The following GANC variants were observed in gnomAD, a reference collection of about 807,000 sequenced individuals.
GANC encodes the protein glucosidase alpha, neutral C, also known as neutral alpha-glucosidase C.
In GANC, 117 loss-of-function variants were observed where a neutral mutation model predicts 124.2. The ratio of observed to expected loss-of-function variants is 0.94; its 90% CI spans 0.81 to 1.10. GANC has a LOEUF of 1.10. Ranked by LOEUF, GANC falls within the 50% of genes least tolerant of loss-of-function variation. The pLI is 0.00. For synonymous variants in GANC, 377 were observed against 376.8 expected (o/e 1.00, Z -0.01); for missense variants, 1,140 against 1,095.0 (o/e 1.04, Z -0.58).
intron 10 of GANC, chr15:42,314,016 A>G (rs974746234): frequency 2.9e-6 from 2 of 686,172 alleles, no homozygotes; most frequent in African/African-American, 1.8e-5. Flanking sequence ...ATACAGCTGG[A>G]TGCTTAAAAT....
chr15:42,296,440 G>T (rs1237494103), intron 5 of GANC, among the ~76,000 whole-genome samples: 3 of 152,114 alleles, frequency 2.0e-5, no homozygotes, highest in Non-Finnish European at 4.4e-5. Flanking sequence ...AGGCTGGAGT[G>T]CAGTGGTGCG....
chr15:42,339,714 T>C lies in GANC; in HGVS notation c.1889T>C (p.Val630Ala). The C allele has an allele frequency of 6.2e-7, 1 of 1,614,172 alleles. No individual in the cohort carries two copies. The highest frequency in any genetic ancestry group is 1.1e-5 in the South Asian group (1 of 91,092). ...GGGAATCCAGAGACAGAGCTGCTAG[T>C]GCGTTGGTACCAGGCTGGAGCCTAC... ...FIGNPETELL[V>A]RWYQAGAYQP... Residue 630 changes from valine (V) to alanine (A), a missense_variant, in exon 17 of 24, where the codon GTG becomes GCG. Coordinates refer to ENST00000318010, the MANE Select transcript of GANC (RefSeq NM_198141.3).
At chr15:42,344,592 A>G (rs774064415) in intron 19 of GANC, 2 of 152,242 alleles carry the variant, frequency 1.3e-5, no homozygotes, top group Non-Finnish European at 2.9e-5. Flanking sequence ...TCCATCTGCT[A>G]TGCTTGTCAT....
chr15:42,337,872 G>A (rs531545158), intron 15 of GANC, among the ~76,000 whole-genome samples: 1 of 152,246 alleles, frequency 6.6e-6, no homozygotes, highest in East Asian at 1.9e-4. Flanking sequence ...GACCAGCCTG[G>A]CCAACATGGT....
intron 3 of GANC, among the ~76,000 whole-genome samples, chr15:42,279,287 T>G (rs2051707934): frequency 6.6e-6 from 1 of 152,228 alleles, no homozygotes; most frequent in Non-Finnish European, 1.5e-5. Context: ...GTCACCCACG[T>G]GCTTTCTAAC....
At chr15:42,280,476 C>T (rs1284677572) in intron 3 of GANC, among the ~76,000 whole-genome samples, 2 of 152,198 alleles carry the variant, frequency 1.3e-5, no homozygotes, top group Non-Finnish European at 2.9e-5. Context: ...TAGCCTGACA[C>T]CCGGCCAGAC....
intron 17 of GANC, 112 bp downstream of exon 17, chr15:42,340,024 C>T (rs1370504765): frequency 6.6e-6 from 9 of 1,368,386 alleles, no homozygotes; most frequent in Non-Finnish European, 7.9e-6. Context: ...TGAAGAAAAG[C>T]TACATGTTTA....
In GANC at chr15:42,345,772, T is replaced by G; in HGVS notation, c.2244T>G (p.Tyr748Ter). Residue 748 changes from tyrosine to a stop codon, truncating the protein, a stop_gained, in exon 20 of 24, where the codon TAT (tyrosine) becomes TAG (stop). Coordinates refer to ENST00000318010, the MANE Select transcript of GANC (RefSeq NM_198141.3). LOFTEE classifies it high-confidence loss of function. ...TTACTTTCTAGGTCTGGTATGACTA[T>G]AAGACATTTGCTCATTGGGAAGGAG... ...LPGSNEVWYDYKTFAHWEGGC... is the reference protein window; with the variant it reads ...LPGSNEVWYD 1 of 1,611,154 alleles carries G rather than the reference T, an allele frequency of 6.2e-7. No homozygotes were observed. The highest frequency in any genetic ancestry group is 8.5e-7 in the Non-Finnish European group (1 of 1,177,380).
At chr15:42,316,106 C>G (rs1274091118) in intron 10 of GANC, among the ~76,000 whole-genome samples, 2 of 152,058 alleles carry the variant, frequency 1.3e-5, no homozygotes, top group African/African-American at 4.8e-5. Context: ...AATTCTACTC[C>G]TAGATATATG....
chr15:42,341,046 G>A (rs2052326302), intron 18 of GANC, among the ~76,000 whole-genome samples: 1 of 147,182 alleles, frequency 6.8e-6, no homozygotes, highest in Non-Finnish European at 1.5e-5. Context: ...TTACAGGCGT[G>A]AGCCACTAGG....
rs1168235886 is a variant in GANC, at chr15:42,353,151, G to C, written c.*1012G>C. On this transcript the variant is annotated 3_prime_UTR_variant, in exon 24 of 24. Transcript: ENST00000318010. Reference sequence around the variant, plus strand: ...CAGAACATTACAACATACCAGTCGTGTCATGGTGCCCAAGGCTCCACAGAC... The same window carrying C: ...CAGAACATTACAACATACCAGTCGTCTCATGGTGCCCAAGGCTCCACAGAC... 1.0e-6 allele frequency: 1 copy of C among 985,694 alleles called. No individual in the cohort carries two copies. The highest frequency in any genetic ancestry group is 1.2e-6 in the Non-Finnish European group (1 of 829,986). The allele number at this position is 985,694 out of a possible 1,614,324, so 61.1% of individuals were successfully genotyped here.
rs1262939751 is a variant in GANC at position 42,314,251 on chromosome 15, T to A, written c.1057+3405T>A. On this transcript the variant is annotated intron_variant, in intron 10 of 23. Transcript: ENST00000318010. ...ACCTGAAGCACGTAGCTACCCAGCA[T>A]GGAATTTAAAGCCTGATGAGGAAAG... 10 of 692,778 alleles carry A rather than the reference T, an allele frequency of 1.4e-5. No individual in the cohort carries two copies. In the East Asian group the frequency reaches 2.6e-4, roughly 18 times the overall value. The allele number at this position is 692,778 out of a possible 1,614,324, so 42.9% of individuals were successfully genotyped here.
In GANC at chr15:42,292,912, A is replaced by G; in HGVS notation, c.507A>G (p.Lys169=). The G allele has an allele frequency of 1.2e-6, 2 of 1,613,806 alleles. No homozygotes were observed. Among genetic ancestry groups the G allele is most frequent in the Middle Eastern group, 1.7e-4 (1 of 6,056 alleles). Residue 169 remains lysine, a synonymous_variant, in exon 5 of 24, where the codon AAA becomes AAG. Coordinates refer to ENST00000318010, the MANE Select transcript of GANC (RefSeq NM_198141.3). ...TTGAGCATCTACAGATTCTTCACAA[A>G]CAAAGGTATTCTTATGCATTACTTG... ...LYFEHLQILH[K]QRAAKENEEE...
At chr15:42,308,500 T>G (rs1037418448) in intron 8 of GANC, among the ~76,000 whole-genome samples, 182 bp downstream of exon 8, 2 of 152,182 alleles carry the variant, frequency 1.3e-5, no homozygotes, top group Admixed American at 6.5e-5. Flanking sequence ...TTCCTTTTTT[T>G]TGAGACAGAG....
intron 10 of GANC, 110 bp from the exon 11 acceptor site, chr15:42,321,675 C>G: frequency 3.3e-6 from 3 of 912,920 alleles, no homozygotes; most frequent in Non-Finnish European, 5.1e-6. Context: ...CCTTGTTATT[C>G]TAAGCATAAG....
chr15:42,310,860 G>T lies in GANC; in HGVS notation c.1057+14G>T, dbSNP rs551903460. 1.2e-6 allele frequency: 2 copies of T among 1,604,044 alleles called. No homozygotes were observed. Among genetic ancestry groups the T allele is most frequent in the Admixed American group, 3.3e-5 (2 of 59,876 alleles). On this transcript the variant is annotated intron_variant, in intron 10 of 23. Transcript: ENST00000318010. ...CACACCTTACAGGTATTTGCACGAAGAAGTGCCAGTTTCTTGTTCTGTTAC... is the reference window on the plus strand; with the variant it reads ...CACACCTTACAGGTATTTGCACGAATAAGTGCCAGTTTCTTGTTCTGTTAC...
chr15:42,286,422 TTAAA>T (rs2051789167), intron 3 of GANC, among the ~76,000 whole-genome samples: 1 of 152,232 alleles, frequency 6.6e-6, no homozygotes, highest in Non-Finnish European at 1.5e-5. Context: ...AAACACATGT[TTAAA>T]TAGTGAGAAA....
At chr15:42,297,784 A>G in intron 6 of GANC, 128 bp downstream of exon 6, 1 of 541,882 alleles carries the variant, frequency 1.8e-6, no homozygotes, top group Non-Finnish European at 3.2e-6. Context: ...TATAAATAGG[A>G]CCACTTGTTT....
chr15:42,273,474 T>A lies in GANC; in HGVS notation c.-1008T>A. 1 of 1,590,544 alleles carries A rather than the reference T, an allele frequency of 6.3e-7. No homozygotes were observed. Among genetic ancestry groups the A allele is most frequent in the Non-Finnish European group, 8.5e-7 (1 of 1,169,838 alleles). On this transcript the variant is annotated 5_prime_UTR_variant, in exon 1 of 24. Coordinates refer to ENST00000318010, the MANE Select transcript of GANC (RefSeq NM_198141.3). Reference sequence around the variant, plus strand: ...GTCCCGCCTTCTTCCGGCTCTGCTCTAAGGGCGGGATTATCCGGGTCCTGG... The same window carrying A: ...GTCCCGCCTTCTTCCGGCTCTGCTCAAAGGGCGGGATTATCCGGGTCCTGG...
Sources: gnomAD v4.1 joint callset for allele counts (sites outside exome capture counted in the v4.1 genomes callset) on GRCh38, gnomAD v4.1.1 for gene constraint, MANE v1.5 for transcripts, NCBI Gene and HGNC (gene_info 2026-07-23, HGNC 2026-07-21) for gene names.